Variants in BCAR3 observed in about 807,000 individuals in gnomAD.
BCAR3 encodes BCAR3 adaptor protein, NSP family member, also known as breast cancer anti-estrogen resistance protein 3.
A neutral mutation model predicts 80.1 loss-of-function variants in BCAR3; 37 were observed. The observed-to-expected ratio is 0.46, with a 90% CI of 0.36 to 0.61. The LOEUF is 0.61. Ranked by LOEUF, BCAR3 falls within the 20% of genes least tolerant of loss-of-function variation. The pLI, the probability that BCAR3 is intolerant of heterozygous loss-of-function variation, is 0.00. For synonymous variants in BCAR3, 389 were observed against 418.9 expected (o/e 0.93, Z 0.87); for missense variants, 978 against 1,068.2 (o/e 0.92, Z 1.18).
intron 2 of BCAR3, among the ~76,000 whole-genome samples, chr1:93,734,110 C>T (rs17110370): frequency 0.15 from 22,767 of 152,144 alleles, 1,963 homozygotes; most frequent in Non-Finnish European, 0.2. Context: ...AATTACATGG[C>T]CTCTTCAGAT....
chr1:93,644,145 G>A (rs773346953), intron 2 of BCAR3, among the ~76,000 whole-genome samples: 9 of 152,182 alleles, frequency 5.9e-5, no homozygotes, highest in Non-Finnish European at 1.0e-4. Flanking sequence ...ACTGTCCTTT[G>A]TGGGGGAAAA....
At chr1:93,844,392 C>T (rs555602999) in intron 2 of BCAR3, among the ~76,000 whole-genome samples, 28 of 152,330 alleles carry the variant, frequency 1.8e-4, no homozygotes, top group African/African-American at 6.7e-4. Context: ...TGCAGATGTG[C>T]TGCAATCAGC....
Position 93,672,265 on chromosome 1 carries a change from T to C in BCAR3, c.317+2349A>G, listed in dbSNP as rs554676294. 8.7e-4 allele frequency among the ~76,000 whole-genome samples: 133 copies of C among 152,294 alleles called. 1 individual carries two copies. Among genetic ancestry groups the C allele is most frequent in the Non-Finnish European group, 1.7e-3 (119 of 68,022 alleles). On this transcript the variant is annotated intron_variant, in intron 2 of 11. Coordinates refer to ENST00000260502, the MANE Select transcript of BCAR3 (RefSeq NM_003567.4). ...CTTGGCAGCTTGACAGCTTGGACCT[T>C]GGGTGTTTACCAAGAACTTCCCCAA... is the stretch of plus-strand genomic sequence containing the variant.
chr1:93,625,830 A>G (rs1009968410), intron 3 of BCAR3, among the ~76,000 whole-genome samples: 1 of 152,212 alleles, frequency 6.6e-6, no homozygotes, highest in African/African-American at 2.4e-5. Context: ...CTGGGAGCAT[A>G]GAAGGAGCCA....
chr1:93,796,361 C>G (rs896771025), intron 2 of BCAR3, among the ~76,000 whole-genome samples: 2 of 143,882 alleles, frequency 1.4e-5, no homozygotes, highest in Admixed American at 6.9e-5. Flanking sequence ...TCTCGTGGTG[C>G]GCCGTTTTTT....
chr1:93,817,782 C>G (rs1330724259), intron 2 of BCAR3, among the ~76,000 whole-genome samples: 1 of 152,038 alleles, frequency 6.6e-6, no homozygotes, highest in African/African-American at 2.4e-5. Context: ...AGCTGACTAG[C>G]CCTGTTTACC....
At position 93,674,857 on chromosome 1, in the gene BCAR3, A is replaced by G. The variant is rs758838087; in HGVS notation, c.74T>C (p.Met25Thr). 7 of 1,600,116 alleles carry G rather than the reference A, an allele frequency of 4.4e-6. No homozygotes were observed. The South Asian group carries it at 5.6e-5, about 13-fold the overall frequency. Residue 25 changes from methionine to threonine, a missense_variant, in exon 2 of 12, where the codon ATG becomes ACG. Met to Thr is a moderately conservative substitution (Grantham distance 81). Transcript: ENST00000260502. ...VNHQFPLASS[M>T]DLLSSRSPLA... ...AGGGGACCTGCTGCTCAGAAGGTCC[A>G]TGGATGAGGCCAGGGGGAACTGGTG...
chr1:93,787,943 C>A (rs1325078328), intron 2 of BCAR3, among the ~76,000 whole-genome samples: 2 of 151,830 alleles, frequency 1.3e-5, no homozygotes, highest in Non-Finnish European at 2.9e-5. Context: ...GTGTTGCCAT[C>A]TATCTCATTT....
chr1:93,623,498 T>A (rs976187807), intron 3 of BCAR3, among the ~76,000 whole-genome samples: 3 of 152,162 alleles, frequency 2.0e-5, no homozygotes, highest in Non-Finnish European at 4.4e-5. Flanking sequence ...GAGAGAGACA[T>A]CCCCTTTTCC....
chr1:93,652,055 T>C (rs1571008914), intron 2 of BCAR3, among the ~76,000 whole-genome samples: 1 of 152,246 alleles, frequency 6.6e-6, no homozygotes, highest in South Asian at 2.1e-4. Context: ...GAAATTATTC[T>C]GCTTTTCTTC....
chr1:93,650,790 G>A (rs777469290), intron 2 of BCAR3, among the ~76,000 whole-genome samples: 179 of 152,164 alleles, frequency 1.2e-3, no homozygotes, highest in Admixed American at 2.2e-3. Flanking sequence ...AACAGAACAG[G>A]AATAAAATTT....
rs911040046 is a variant in BCAR3 at position 93,681,739 on chromosome 1, G to A, written c.-153C>T. On this transcript the variant is annotated 5_prime_UTR_variant, in exon 1 of 12. Transcript: ENST00000260502. ...GGGACGCTCATGGTCCGCGGGGCGTGCCCGCCGAGAATCCCGCGCGCGTCT... is the reference window on the plus strand; with the variant it reads ...GGGACGCTCATGGTCCGCGGGGCGTACCCGCCGAGAATCCCGCGCGCGTCT... 6.6e-6 allele frequency: 1 copy of A among 151,696 alleles called. No individual in the cohort carries two copies. Among genetic ancestry groups the A allele is most frequent in the African/African-American group, 2.4e-5 (1 of 41,346 alleles). The allele number at this position is 151,696 out of a possible 1,614,324, so 9.4% of individuals were successfully genotyped here.
At chr1:93,696,080 G>A (rs1158470355) in intron 3 of BCAR3, among the ~76,000 whole-genome samples, 2 of 147,388 alleles carry the variant, frequency 1.4e-5, no homozygotes, top group Non-Finnish European at 3.0e-5. Flanking sequence ...TTGCTTTGTC[G>A]CCCAGGCTGG....
chr1:93,633,149 C>T (rs185766221), intron 3 of BCAR3, among the ~76,000 whole-genome samples: 93 of 152,286 alleles, frequency 6.1e-4, no homozygotes, highest in Non-Finnish European at 1.0e-3. Flanking sequence ...CACAAATGCT[C>T]GAAGATTAAC....
At chr1:93,613,979 GA>G (rs1470985768) in intron 3 of BCAR3, 1 of 1,548,166 alleles carries the variant, frequency 6.5e-7, no homozygotes, top group Admixed American at 2.0e-5. Flanking sequence ...AGGGTTAAAA[GA>G]AAGGGGGCTT....
At chr1:93,732,339 G>C (rs1489652891) in intron 2 of BCAR3, among the ~76,000 whole-genome samples, 2 of 152,210 alleles carry the variant, frequency 1.3e-5, no homozygotes, top group Non-Finnish European at 2.9e-5. Context: ...ATCTGGCCAG[G>C]TGCAGTGGCT....
chr1:93,690,862 C>T (rs1649163432), intron 3 of BCAR3, among the ~76,000 whole-genome samples: 1 of 152,252 alleles, frequency 6.6e-6, no homozygotes, highest in East Asian at 1.9e-4. Flanking sequence ...AGGCCATTTT[C>T]TTGACTGGCT....
In BCAR3 at chr1:93,732,731, G is replaced by A. The variant is rs762095198; in HGVS notation, c.-62-26589C>T. ...GAGGCCCCCTAGGGGAGATCCCACC[G>A]TCCTTCAGCCTTGATGCCTTCTCCA... On this transcript the variant is annotated intron_variant, in intron 2 of 13. Coordinates refer to the BCAR3 transcript ENST00000370244. Among the ~76,000 whole-genome samples the A allele has an allele frequency of 2.0e-5, 3 of 152,202 alleles. 1 individual carries two copies. Among genetic ancestry groups the A allele is most frequent in the Admixed American group, 1.3e-4 (2 of 15,282 alleles).
chr1:93,808,093 C>G (rs1011553189), intron 2 of BCAR3, among the ~76,000 whole-genome samples: 30 of 150,576 alleles, frequency 2.0e-4, no homozygotes, highest in Admixed American at 1.7e-3. Context: ...CAGAGAGTCC[C>G]TCTCTGTACA....
Sources: allele counts gnomAD v4.1 joint callset (sites outside exome capture counted in the v4.1 genomes callset), GRCh38; gene constraint gnomAD v4.1.1; transcripts MANE v1.5; gene names NCBI Gene and HGNC (gene_info 2026-07-23, HGNC 2026-07-21).